TYRP1: variants seen among roughly 807,000 people sequenced by gnomAD.
The protein encoded by TYRP1 is tyrosinase related protein 1.
Under a neutral mutation model 42.8 loss-of-function variants are expected in TYRP1, and 49 were observed. The observed-to-expected ratio is 1.14, with a 90% CI of 0.91 to 1.45. TYRP1 has a LOEUF of 1.45. Among genes scored for constraint, TYRP1 ranks in the 40% most tolerant of loss-of-function variants. TYRP1 has a pLI of 0.00. For missense variants in TYRP1, 848 were observed against 662.0 expected, an observed-to-expected ratio of 1.28 and a Z score of -3.08; for synonymous variants, 279 against 235.4, an observed-to-expected ratio of 1.19 and a Z score of -1.69.
At position 12,705,402 on chromosome 9, in the gene TYRP1, TA is replaced by T. The variant is rs1450031996; in HGVS notation, c.1261+700del. On this transcript the variant is annotated intron_variant, in intron 6 of 7. Transcript: ENST00000388918. Reference sequence around the variant, plus strand: ...TTGTGCCTTTAGCTCATAACGCACATAAACCTGATATTGTAGCTTAACTACC... The same window carrying T: ...TTGTGCCTTTAGCTCATAACGCACATAACCTGATATTGTAGCTTAACTACC... Among the ~76,000 whole-genome samples, 3 of 152,180 alleles carry T rather than the reference TA, an allele frequency of 2.0e-5. No homozygotes were observed. In the East Asian group the frequency reaches 5.8e-4, roughly 30 times the overall value.
At position 12,709,365 on chromosome 9, in the gene TYRP1, G is replaced by T; in HGVS notation, c.*183G>T. The stretch of plus-strand genomic sequence containing the variant: ...AGACCCTTTCAGAATCTTTTCAATG[G>T]GTTTTAATTTTCAGTTCTATTTAAA... On this transcript the variant is annotated 3_prime_UTR_variant, in exon 8 of 8. Coordinates refer to ENST00000388918, the MANE Select transcript of TYRP1 (RefSeq NM_000550.3). The T allele has an allele frequency of 1.6e-6, 1 of 631,520 alleles. No homozygotes were observed. The highest frequency in any genetic ancestry group is 2.7e-5 in the Admixed American group (1 of 36,846). 39.1% of individuals were successfully genotyped at this position (631,520 alleles called of 1,614,324 possible).
Position 12,710,109 on chromosome 9 carries a change from T to TA in TYRP1, c.*928dup, listed in dbSNP as rs1818336004. On this transcript the variant is annotated 3_prime_UTR_variant, in exon 8 of 8. Coordinates refer to ENST00000388918, the MANE Select transcript of TYRP1 (RefSeq NM_000550.3). ...ATATTATTTCATTGGTCTTCTTTTT[T>TA]ATCTGGTTCTATATGAATGCTATTT... The TA allele has an allele frequency of 6.6e-6, 1 of 151,814 alleles. No individual in the cohort carries two copies. The highest frequency in any genetic ancestry group is 1.5e-5 in the Non-Finnish European group (1 of 67,816). The allele number at this position is 151,814 out of a possible 1,614,324, so 9.4% of individuals were successfully genotyped here. A position where few individuals can be genotyped will look rare whatever the true frequency, so the allele number is the denominator to read the frequency against.
chr9:12,709,499 G>GTT lies in TYRP1; in HGVS notation c.*319_*320dup, dbSNP rs886063414. The GTT allele has an allele frequency of 2.1e-4, 65 of 315,280 alleles. No individual in the cohort carries two copies. Among genetic ancestry groups the GTT allele is most frequent in the Middle Eastern group, 2.0e-3 (2 of 980 alleles). 19.5% of individuals were successfully genotyped at this position (315,280 alleles called of 1,614,324 possible). A position where few individuals can be genotyped will look rare whatever the true frequency, so the allele number is the denominator to read the frequency against. ...ATAAGTAAGTGAACTACCATGCTTTGTTTACGTGTAAAGGAAAATAATGTT... is the reference window on the plus strand; with the variant it reads ...ATAAGTAAGTGAACTACCATGCTTTGTTTTTACGTGTAAAGGAAAATAATGTT... On this transcript the variant is annotated 3_prime_UTR_variant, in exon 8 of 8. Transcript: ENST00000388918.
chr9:12,707,582 T>A, intron 6 of TYRP1: 2 of 171,520 alleles, frequency 1.2e-5, no homozygotes, highest in Non-Finnish European at 1.2e-5. Flanking sequence ...GGGGAGAGAG[T>A]GGTGAGAGAT....
chr9:12,704,217 T>C (rs1440178536), intron 5 of TYRP1, among the ~76,000 whole-genome samples: 1 of 151,982 alleles, frequency 6.6e-6, no homozygotes, highest in Non-Finnish European at 1.5e-5. Flanking sequence ...TTTATTCCCA[T>C]GTAGAACAAT....
Position 12,702,286 on chromosome 9 carries a change from C to T in TYRP1, c.929C>T (p.Pro310Leu), listed in dbSNP as rs949420558. The change falls in exon 5 of 8, where the codon CCA becomes CTA. Residue 310 changes from proline (P) to leucine (L), a missense_variant. By Grantham distance (98) the Pro-to-Leu change is moderately conservative. Transcript: ENST00000388918. ...GTLCNSTEDG[P>L]IRRNPAGNVA... is the part of the protein sequence containing the mutation. ...TTTTCTGCAGGCACCGAGGATGGGC[C>T]AATTAGGAGAAATCCAGCTGGAAAT... 1.2e-6 allele frequency: 2 copies of T among 1,612,930 alleles called. No homozygotes were observed. The highest frequency in any genetic ancestry group is 2.2e-5 in the South Asian group (2 of 91,056).
At chr9:12,698,903 T>C (rs1239391660) in intron 4 of TYRP1, among the ~76,000 whole-genome samples, 4 of 152,132 alleles carry the variant, frequency 2.6e-5, no homozygotes, top group Non-Finnish European at 5.9e-5. Flanking sequence ...GGTCAATATC[T>C]TGCTAACTTT....
At position 12,708,073 on chromosome 9, in the gene TYRP1, A is replaced by C. The variant is rs780741508; in HGVS notation, c.1338A>C (p.Pro446=). The change falls in exon 7 of 8, where the codon CCA becomes CCC. Residue 446 remains proline (P), a synonymous_variant. Transcript: ENST00000388918. ...ACAACATGGTGCCATTCTGGCCCCCAGTCACCAACACAGAAATGTTTGTTA... is the reference window on the plus strand; with the variant it reads ...ACAACATGGTGCCATTCTGGCCCCCCGTCACCAACACAGAAATGTTTGTTA... ...RQYNMVPFWP[P]VTNTEMFVTA... is the part of the protein sequence containing the mutation. The C allele has an allele frequency of 6.2e-7, 1 of 1,612,870 alleles. No individual in the cohort carries two copies.
At chr9:12,702,763 A>G (rs1235180260) in intron 5 of TYRP1, among the ~76,000 whole-genome samples, 2 of 152,078 alleles carry the variant, frequency 1.3e-5, no homozygotes, top group African/African-American at 4.8e-5. Flanking sequence ...TTGGCAAACA[A>G]TATTCAAGAC....
chr9:12,704,428 C>A (rs1215757549), intron 5 of TYRP1, 98 bp from the exon 6 acceptor site: 2 of 1,397,810 alleles, frequency 1.4e-6, no homozygotes, highest in South Asian at 1.2e-5. Context: ...GCCTGACGAG[C>A]CTTGAAAAAA....
chr9:12,695,749 G>C lies in TYRP1; in HGVS notation c.620G>C (p.Ser207Thr), dbSNP rs144206983. 1 of 1,614,054 alleles carries C rather than the reference G, an allele frequency of 6.2e-7. No homozygotes were observed. The highest frequency in any genetic ancestry group is 2.2e-5 in the East Asian group (1 of 44,886). The change falls in exon 3 of 8, where the codon AGC becomes ACC. Residue 207 changes from serine to threonine, a missense_variant. By Grantham distance (58) the Ser-to-Thr change is moderately conservative (BLOSUM62 1). Transcript: ENST00000388918. ...KKTFLGVGQE[S>T]FGEVDFSHEG... ...ACTTTCCTTGGGGTAGGACAGGAAAGCTTTGGTGAAGTGGATTTCTCTCAT... is the reference window on the plus strand; with the variant it reads ...ACTTTCCTTGGGGTAGGACAGGAAACCTTTGGTGAAGTGGATTTCTCTCAT...
intron 4 of TYRP1, chr9:12,700,446 A>G (rs1313893555): frequency 6.6e-6 from 1 of 152,060 alleles, no homozygotes; most frequent in Admixed American, 6.6e-5. Context: ...CCAAAATACC[A>G]TCTTTGAATC....
At chr9:12,693,790 T>G in intron 1 of TYRP1, 122 bp from the exon 2 acceptor site, 1 of 566,668 alleles carries the variant, frequency 1.8e-6, no homozygotes, top group Non-Finnish European at 3.1e-6. Context: ...CACACTTTTA[T>G]TATTTGTGTG....
At chr9:12,693,869 C>G in intron 1 of TYRP1, 43 bp from the exon 2 acceptor site, 3 of 1,343,532 alleles carry the variant, frequency 2.2e-6, no homozygotes, top group Non-Finnish European at 3.1e-6. Flanking sequence ...TTTTAAGTAC[C>G]AAGAAAAACT....
At chr9:12,707,810 C>T (rs1179002148) in intron 6 of TYRP1, 187 bp from the exon 7 acceptor site, 2 of 604,308 alleles carry the variant, frequency 3.3e-6, no homozygotes, top group African/African-American at 1.9e-5. Context: ...GTACTGTATT[C>T]AAAGCATTTT....
At position 12,709,520 on chromosome 9, in the gene TYRP1, A is replaced by ATGTT. The variant is rs1429643424; in HGVS notation, c.*341_*344dup. 3.4e-5 allele frequency: 9 copies of ATGTT among 263,738 alleles called. No individual in the cohort carries two copies. In the East Asian group the frequency reaches 4.8e-4, roughly 14 times the overall value. The allele number at this position is 263,738 out of a possible 1,614,324, so 16.3% of individuals were successfully genotyped here. On this transcript the variant is annotated 3_prime_UTR_variant, in exon 8 of 8. Coordinates refer to ENST00000388918, the MANE Select transcript of TYRP1 (RefSeq NM_000550.3). Reference sequence around the variant, plus strand: ...CTTTGTTTACGTGTAAAGGAAAATAATGTTTGATAGTAAATGTCCACTTAA... The same window carrying ATGTT: ...CTTTGTTTACGTGTAAAGGAAAATAATGTTTGTTTGATAGTAAATGTCCACTTAA...
intron 2 of TYRP1, among the ~76,000 whole-genome samples, chr9:12,695,055 A>G (rs1818054008): frequency 6.6e-6 from 1 of 152,204 alleles, no homozygotes; most frequent in African/African-American, 2.4e-5. Context: ...CTGTAAAGCA[A>G]GTATTATTTT....
At chr9:12,694,637 G>C in intron 2 of TYRP1, 1 of 539,900 alleles carries the variant, frequency 1.9e-6, no homozygotes, top group Non-Finnish European at 3.3e-6. Context: ...TAGGAACTGT[G>C]TTAGGTATTA....
intron 3 of TYRP1, among the ~76,000 whole-genome samples, chr9:12,696,781 A>C (rs113060449): frequency 7.2e-5 from 11 of 152,320 alleles, no homozygotes; most frequent in Admixed American, 2.6e-4. Flanking sequence ...GTTAGATCTC[A>C]ACTAGGAAAT....
Sources: gnomAD v4.1 joint callset for allele counts (sites outside exome capture counted in the v4.1 genomes callset) on GRCh38, gnomAD v4.1.1 for gene constraint, MANE v1.5 for transcripts, NCBI Gene and HGNC (gene_info 2026-07-23, HGNC 2026-07-21) for gene names.